The following SLCO3A1 variants were observed in gnomAD, a reference collection of about 807,000 sequenced individuals.
SLCO3A1 encodes PGE1 transporter.
SLCO3A1 carries 27 observed loss-of-function variants against 63.1 expected under a neutral mutation model. The ratio of observed to expected loss-of-function variants is 0.43; its 90% confidence interval spans 0.32 to 0.59. The LOEUF is 0.59. SLCO3A1 is among the 20% of genes least tolerant of loss of function. SLCO3A1 has a pLI of 0.09. For synonymous variants in SLCO3A1, 473 were observed against 409.9 expected (o/e 1.15, Z -1.86); for missense variants, 773 against 945.8 (o/e 0.82, Z 2.40).
intron 2 of SLCO3A1, among the ~76,000 whole-genome samples, chr15:92,058,287 G>A (rs908651): frequency 0.79 from 119,438 of 152,034 alleles, 47,038 homozygotes; most frequent in Admixed American, 0.88. Flanking sequence ...TGCCCTTTCT[G>A]CTATTTAAGG....
chr15:92,085,789 C>T (rs1033671130), intron 2 of SLCO3A1, among the ~76,000 whole-genome samples: 1 of 152,192 alleles, frequency 6.6e-6, no homozygotes, highest in South Asian at 2.1e-4. Flanking sequence ...TCCCTTCCCC[C>T]GACAGTAACC....
At chr15:91,868,082 C>T (rs1238724343) in intron 1 of SLCO3A1, among the ~76,000 whole-genome samples, 2 of 151,918 alleles carry the variant, frequency 1.3e-5, no homozygotes, top group African/African-American at 2.4e-5. Context: ...GATGGAGTCT[C>T]GCTCTGTCGC....
At chr15:92,011,655 G>A (rs988802304) in intron 2 of SLCO3A1, among the ~76,000 whole-genome samples, 1 of 152,166 alleles carries the variant, frequency 6.6e-6, no homozygotes, top group African/African-American at 2.4e-5. Context: ...CCTGCCCTGT[G>A]ATGTATTTAT....
chr15:91,881,878 A>T (rs1442866927), intron 1 of SLCO3A1, among the ~76,000 whole-genome samples: 1 of 152,196 alleles, frequency 6.6e-6, no homozygotes, highest in African/African-American at 2.4e-5. Flanking sequence ...TACCACTGGA[A>T]TGTCATGCTT....
At chr15:92,167,501 G>C (rs1412190503), downstream of SLCO3A1, among the ~76,000 whole-genome samples, 1 of 152,136 alleles carries the variant, frequency 6.6e-6, no homozygotes, top group East Asian at 1.9e-4. Flanking sequence ...TATTACACCT[G>C]CTCCGCCCGA....
Position 92,150,931 on chromosome 15 carries a change from T to C in SLCO3A1, c.1689-19T>C, listed in dbSNP as rs1244396018. 4 of 1,591,788 alleles carry C rather than the reference T, an allele frequency of 2.5e-6. No individual in the cohort carries two copies. Among genetic ancestry groups the C allele is most frequent in the Non-Finnish European group, 3.4e-6 (4 of 1,170,042 alleles). On this transcript the variant is annotated intron_variant, in intron 8 of 9. Transcript: ENST00000318445. ...ATAAAAATCTGGTTTTTTTTTTCTC[T>C]TCATCTCTTTGCACGTAGGACAGTC...
At chr15:92,149,564 A>AT (rs1006487981) in intron 8 of SLCO3A1, 4 of 152,262 alleles carry the variant, frequency 2.6e-5, no homozygotes, top group African/African-American at 4.8e-5. Context: ...TCCGAGAGAA[A>AT]TTAGGCAGTG....
chr15:91,860,954 G>A lies in SLCO3A1; in HGVS notation c.180+6866G>A, dbSNP rs192548335. On this transcript the variant is annotated intron_variant, in intron 1 of 9. Coordinates refer to ENST00000318445, the MANE Select transcript of SLCO3A1 (RefSeq NM_013272.4). The surrounding 1 kb of genome is among the most constrained non-coding windows in gnomAD (Gnocchi z 5.5). ...ATGGATTCATCCATCTCGGCTTACG[G>A]ACATACCTTCTGCACAACACCACTC... Among the ~76,000 whole-genome samples the A allele has an allele frequency of 1.1e-4, 17 of 152,246 alleles. No homozygotes were observed. The highest frequency in any genetic ancestry group is 4.1e-4 in the African/African-American group (17 of 41,544).
At position 91,954,888 on chromosome 15, in the gene SLCO3A1, C is replaced by T. The variant is rs952790048; in HGVS notation, c.646+38430C>T. Among the ~76,000 whole-genome samples, 1 of 152,134 alleles carries T rather than the reference C, an allele frequency of 6.6e-6. No homozygotes were observed. The highest frequency in any genetic ancestry group is 1.5e-5 in the Non-Finnish European group (1 of 68,016). ...GCCACTGCCCAAGGGCTGGACAGCA[C>T]CACCCCTCCTAATTCCTAGGAATTA... On this transcript the variant is annotated intron_variant, in intron 2 of 9. Coordinates refer to ENST00000318445, the MANE Select transcript of SLCO3A1 (RefSeq NM_013272.4). This position sits in a 1 kb window ranked among gnomAD's most constrained non-coding sequence, Gnocchi z 4.7.
rs542258146 is a variant in SLCO3A1, at chr15:91,925,382, A to G, written c.646+8924A>G. On this transcript the variant is annotated intron_variant, in intron 2 of 9. Transcript: ENST00000318445. ...TGGTCTTCCTCCTTAGTGGGAAGTAAGTTCTTCATTGCTAGATAATTTTTT... is the reference window on the plus strand; with the variant it reads ...TGGTCTTCCTCCTTAGTGGGAAGTAGGTTCTTCATTGCTAGATAATTTTTT... Among the ~76,000 whole-genome samples the G allele has an allele frequency of 2.6e-5, 4 of 152,086 alleles. No homozygotes were observed. In the East Asian group the frequency reaches 5.8e-4, roughly 22 times the overall value.
chr15:91,903,778 C>T (rs149096354), intron 1 of SLCO3A1, among the ~76,000 whole-genome samples: 1 of 152,320 alleles, frequency 6.6e-6, no homozygotes, highest in Non-Finnish European at 1.5e-5. Flanking sequence ...GATGTGAAAT[C>T]TGCTTACATG....
intron 4 of SLCO3A1, among the ~76,000 whole-genome samples, chr15:92,105,251 G>C (rs2047654060): frequency 6.6e-6 from 1 of 152,020 alleles, no homozygotes; most frequent in Non-Finnish European, 1.5e-5. Flanking sequence ...TCCAGCCTGG[G>C]TGACACAGCA....
intron 2 of SLCO3A1, among the ~76,000 whole-genome samples, chr15:92,069,829 C>A (rs925729218): frequency 1.3e-5 from 2 of 152,164 alleles, no homozygotes; most frequent in African/African-American, 4.8e-5. Context: ...GGCTGAGAAC[C>A]CACCCAGGCG....
At chr15:92,095,096 GCCTCT>G (rs879364612) in intron 3 of SLCO3A1, 117 bp downstream of exon 3, 246,471 of 693,576 alleles carry the variant, frequency 0.36, 46,388 homozygotes, top group East Asian at 0.44. Context: ...TGATGCCCCT[GCCTCT>G]GTAGCTGGGG....
intron 2 of SLCO3A1, among the ~76,000 whole-genome samples, chr15:91,963,408 T>TG (rs67196103): frequency 0.11 from 2,540 of 22,728 alleles, 29 homozygotes; most frequent in East Asian, 0.24. Context: ...TCGGGGAGGG[T>TG]GGGGGGGGGG....
chr15:92,057,275 T>G (rs951139467), intron 2 of SLCO3A1, among the ~76,000 whole-genome samples: 3 of 152,226 alleles, frequency 2.0e-5, no homozygotes, highest in Non-Finnish European at 4.4e-5. Context: ...AGGGCAGCCC[T>G]GCAGCCTGGC....
intron 2 of SLCO3A1, among the ~76,000 whole-genome samples, chr15:91,926,597 G>GTGTGTGTGTGTGCGCA (rs1304406067): frequency 3.1e-5 from 1 of 31,854 alleles, no homozygotes. Context: ...GTGTGTGTGT[G>GTGTGTGTGTGTGCGCA]CGCGCGCGCA....
rs1343961743 is a variant in SLCO3A1, at chr15:92,165,074, G to C, written c.*1939G>C. ...TTGGGAGTGGGACAGGTATGGTACC[G>C]AATTTTTAATGAACATTGTAAATGA... On this transcript the variant is annotated 3_prime_UTR_variant, in exon 10 of 10. Transcript: ENST00000318445. The C allele has an allele frequency of 1.6e-5, 16 of 985,214 alleles. No homozygotes were observed. The highest frequency in any genetic ancestry group is 1.9e-5 in the Non-Finnish European group (16 of 829,868). The allele number at this position is 985,214 out of a possible 1,614,324, so 61.0% of individuals were successfully genotyped here.
chr15:92,160,478 G>A (rs2048422375), intron 9 of SLCO3A1, among the ~76,000 whole-genome samples: 1 of 152,110 alleles, frequency 6.6e-6, no homozygotes, highest in Non-Finnish European at 1.5e-5. Context: ...TGGGATCACA[G>A]GGAATGCTAC....
Sources: allele counts gnomAD v4.1 joint callset (sites outside exome capture counted in the v4.1 genomes callset), GRCh38; gene constraint gnomAD v4.1.1; non-coding constraint Gnocchi (gnomAD v3.1); transcripts MANE v1.5; gene names NCBI Gene and HGNC (gene_info 2026-07-23, HGNC 2026-07-21).